The following ERG variants were observed in gnomAD, a reference collection of about 807,000 sequenced individuals.
The protein encoded by ERG is ETS transcription factor ERG.
Under a neutral mutation model 55.3 loss-of-function variants are expected in ERG, and 9 were observed. That is an observed-to-expected ratio of 0.16 (90% CI 0.10 to 0.28). The LOEUF (loss-of-function observed/expected upper bound fraction) is 0.28, where lower values mean the gene tolerates loss of function less well. Ranked by LOEUF, ERG falls within the 10% of genes least tolerant of loss-of-function variation. ERG has a pLI of 1.00. For missense variants in ERG, 434 were observed against 631.6 expected (o/e 0.69, Z 3.35); for synonymous variants, 223 against 237.3 (o/e 0.94, Z 0.55).
chr21:38,368,365 C>T, the ERG span, among the ~76,000 whole-genome samples: 1 of 148,708 alleles, frequency 6.7e-6, no homozygotes, highest in African/African-American at 2.5e-5. Flanking sequence ...CTACATGCCC[C>T]TTTGGTGCGA....
chr21:38,631,438 ATTTTGC>A (rs1210997130), intron 1 of ERG, among the ~76,000 whole-genome samples: 1 of 152,068 alleles, frequency 6.6e-6, no homozygotes, highest in Non-Finnish European at 1.5e-5. Flanking sequence ...ATTGGGGGAA[ATTTTGC>A]TTTTAGTGGT....
intron 1 of ERG, among the ~76,000 whole-genome samples, chr21:38,632,510 G>A (rs770046342): frequency 6.6e-6 from 1 of 152,196 alleles, no homozygotes; most frequent in African/African-American, 2.4e-5. Flanking sequence ...CCAGTGGGAG[G>A]TAATTGAATC....
chr21:38,548,705 C>T (rs1380274417), intron 2 of ERG, among the ~76,000 whole-genome samples: 1 of 145,992 alleles, frequency 6.8e-6, no homozygotes, highest in Non-Finnish European at 1.5e-5. Context: ...ACCTCATGAT[C>T]TGCCAGCCTT....
chr21:38,462,954 C>G (rs1026593576), intron 1 of ERG, among the ~76,000 whole-genome samples: 1 of 152,152 alleles, frequency 6.6e-6, no homozygotes, highest in Non-Finnish European at 1.5e-5. Context: ...GCCAAGCTAA[C>G]TGTGCTTTTC....
chr21:38,468,994 A>G (rs1183772021), intron 1 of ERG, among the ~76,000 whole-genome samples: 1 of 69,884 alleles, frequency 1.4e-5, no homozygotes, highest in African/African-American at 3.4e-5. Context: ...AAAAAAAAAA[A>G]AAAAAAAGAA....
chr21:38,631,544 C>T (rs949760636), intron 1 of ERG, among the ~76,000 whole-genome samples: 29 of 152,144 alleles, frequency 1.9e-4, no homozygotes, highest in Admixed American at 1.2e-3. Context: ...CCTTCCCGTC[C>T]TTTAAGGGAT....
At chr21:38,585,558 T>TTTTTTTTTTTTTG (rs2060058811), upstream of ERG, among the ~76,000 whole-genome samples, 1 of 143,292 alleles carries the variant, frequency 7.0e-6, no homozygotes, top group Non-Finnish European at 1.5e-5. Flanking sequence ...TTTTTTTTTT[T>TTTTTTTTTTTTTG]AGATACAGGA....
At chr21:38,657,631 C>G (rs1435050536) in intron 1 of ERG, among the ~76,000 whole-genome samples, 1 of 152,042 alleles carries the variant, frequency 6.6e-6, no homozygotes, top group African/African-American at 2.4e-5. Flanking sequence ...ACTTTTTTAG[C>G]TATGTTGAAG....
At chr21:38,560,671 C>T (rs2059887548) in intron 2 of ERG, among the ~76,000 whole-genome samples, 1 of 152,104 alleles carries the variant, frequency 6.6e-6, no homozygotes, top group Non-Finnish European at 1.5e-5. Context: ...CTCCTAAAAC[C>T]AATACCAGCA....
At chr21:38,379,091 A>G (rs1987318310), downstream of ERG, among the ~76,000 whole-genome samples, 1 of 152,130 alleles carries the variant, frequency 6.6e-6, no homozygotes, top group Non-Finnish European at 1.5e-5. Flanking sequence ...AAACTCCCAG[A>G]TGTTTTGGGG....
intron 1 of ERG, among the ~76,000 whole-genome samples, chr21:38,628,972 T>C (rs973437544): frequency 3.3e-5 from 5 of 152,200 alleles, no homozygotes; most frequent in Admixed American, 2.0e-4. Flanking sequence ...ATCATTATCA[T>C]TGGTGCCGTT....
At chr21:38,374,991 A>G in the ERG span, among the ~76,000 whole-genome samples, 1 of 152,234 alleles carries the variant, frequency 6.6e-6, no homozygotes, top group African/African-American at 2.4e-5. Context: ...TTTCTGAAAT[A>G]TCACCTCCTT....
At chr21:38,657,028 G>C (rs949137440) in intron 1 of ERG, among the ~76,000 whole-genome samples, 1 of 152,076 alleles carries the variant, frequency 6.6e-6, no homozygotes, top group African/African-American at 2.4e-5. Flanking sequence ...GGCTTTAAAA[G>C]GAAGCAACTA....
intron 6 of ERG, among the ~76,000 whole-genome samples, chr21:38,393,693 C>A (rs1246257549): frequency 6.6e-6 from 1 of 152,150 alleles, no homozygotes; most frequent in African/African-American, 2.4e-5. Flanking sequence ...ATTTTCATAT[C>A]CCAAAGAGAA....
intron 1 of ERG, among the ~76,000 whole-genome samples, chr21:38,466,300 G>GGTGTGTGGGTGTGTGTGTGT (rs1555903684): frequency 1.4e-5 from 2 of 140,604 alleles, no homozygotes; most frequent in African/African-American, 5.3e-5. Flanking sequence ...GATGGTCTGG[G>GGTGTGTGGGTGTGTGTGTGT]GTGTGTGTGT....
At chr21:38,559,737 C>A (rs8127766) in intron 2 of ERG, among the ~76,000 whole-genome samples, 132,672 of 152,234 alleles carry the variant, frequency 0.87, 58,006 homozygotes, top group South Asian at 0.92. Context: ...GCTGGAGTGC[C>A]ATGGCACGGT....
chr21:38,389,613 C>T (rs1199544549), intron 9 of ERG, among the ~76,000 whole-genome samples: 1 of 150,796 alleles, frequency 6.6e-6, no homozygotes. Flanking sequence ...TGAGAAGAGA[C>T]CACAGCCTCA....
chr21:38,431,574 G>A (rs927851846), intron 2 of ERG, among the ~76,000 whole-genome samples: 2 of 152,178 alleles, frequency 1.3e-5, no homozygotes, highest in African/African-American at 2.4e-5. Flanking sequence ...GCAGCCCACT[G>A]AGTAAGCTTA....
intron 1 of ERG, among the ~76,000 whole-genome samples, chr21:38,455,166 C>A (rs2058976975): frequency 6.6e-6 from 1 of 150,430 alleles, no homozygotes; most frequent in African/African-American, 2.5e-5. Context: ...AAGTTGATAG[C>A]CCTCAAACTT....
Sources: allele counts gnomAD v4.1 joint callset (sites outside exome capture counted in the v4.1 genomes callset), GRCh38; gene constraint gnomAD v4.1.1; transcripts MANE v1.5; gene names NCBI Gene and HGNC (gene_info 2026-07-23, HGNC 2026-07-21).